Variants in ST6GALNAC3 observed in about 807,000 individuals in gnomAD.
ST6GALNAC3 encodes alpha-N-acetylgalactosaminide alpha-2,6-sialyltransferase 3.
A neutral mutation model predicts 32.7 loss-of-function variants in ST6GALNAC3; 25 were observed. That is an observed-to-expected ratio of 0.76 (90% CI 0.56 to 1.07). The LOEUF (loss-of-function observed/expected upper bound fraction) is 1.07. Among genes scored for constraint, ST6GALNAC3 ranks in the 50% least tolerant of loss-of-function variants. The pLI, the probability that ST6GALNAC3 is intolerant of heterozygous loss-of-function variation, is 0.00. For missense variants in ST6GALNAC3, 355 were observed against 382.4 expected, an observed-to-expected ratio of 0.93 and a Z score of 0.60; for synonymous variants, 129 against 133.1, an observed-to-expected ratio of 0.97 and a Z score of 0.21.
intron 3 of ST6GALNAC3, among the ~76,000 whole-genome samples, chr1:76,505,755 G>C (rs1661443044): frequency 6.6e-6 from 1 of 152,080 alleles, no homozygotes; most frequent in Non-Finnish European, 1.5e-5. Context: ...GTTCAGCATG[G>C]AGAGCCCTAG....
At chr1:76,353,903 C>G (rs1205800383) in intron 2 of ST6GALNAC3, 1 of 161,302 alleles carries the variant, frequency 6.2e-6, no homozygotes, top group South Asian at 1.9e-4. Flanking sequence ...CAAACCCAAG[C>G]AGGTGGGTCT....
At chr1:76,495,293 T>G (rs1660784348) in intron 3 of ST6GALNAC3, among the ~76,000 whole-genome samples, 1 of 152,184 alleles carries the variant, frequency 6.6e-6, no homozygotes, top group South Asian at 2.1e-4. Context: ...ATTATAAATG[T>G]GGCTGAGAAA....
intron 2 of ST6GALNAC3, among the ~76,000 whole-genome samples, chr1:76,346,965 C>T (rs1648571522): frequency 6.6e-6 from 1 of 152,064 alleles, no homozygotes; most frequent in African/African-American, 2.4e-5. Context: ...TCTGTTAATA[C>T]ATTATTATTT....
At chr1:76,521,284 C>CATAT (rs58867351) in intron 3 of ST6GALNAC3, among the ~76,000 whole-genome samples, 6 of 149,806 alleles carry the variant, frequency 4.0e-5, no homozygotes, top group Admixed American at 2.7e-4. Context: ...TATATACAGA[C>CATAT]ATATATATAT....
At chr1:76,128,602 A>G (rs1438668447) in intron 1 of ST6GALNAC3, among the ~76,000 whole-genome samples, 1 of 152,206 alleles carries the variant, frequency 6.6e-6, no homozygotes, top group Non-Finnish European at 1.5e-5. Context: ...ATGCCAGGAC[A>G]AAAACCTCAG....
chr1:76,137,751 A>G (rs1443102354), intron 1 of ST6GALNAC3, among the ~76,000 whole-genome samples: 6 of 152,140 alleles, frequency 3.9e-5, no homozygotes, highest in Non-Finnish European at 7.3e-5. Context: ...CAGGCTAGGA[A>G]CCCTTCCAAG....
intron 1 of ST6GALNAC3, among the ~76,000 whole-genome samples, chr1:76,146,053 A>G (rs1650664032): frequency 6.6e-6 from 1 of 152,238 alleles, no homozygotes; most frequent in Non-Finnish European, 1.5e-5. Context: ...TAATAAATAC[A>G]GACAATCTGC....
intron 2 of ST6GALNAC3, among the ~76,000 whole-genome samples, chr1:76,411,244 C>A (rs1442957735): frequency 6.6e-6 from 1 of 152,098 alleles, no homozygotes; most frequent in Non-Finnish European, 1.5e-5. Context: ...GCTTTATCAT[C>A]TCCAAGTCCT....
intron 1 of ST6GALNAC3, among the ~76,000 whole-genome samples, chr1:76,108,861 AGTGTGTGTGTGTGTGTGTGTGTGT>A (rs10528375): frequency 6.7e-6 from 1 of 149,858 alleles, no homozygotes; most frequent in African/African-American, 2.4e-5. Context: ...CTGTAGACAT[AGTGTGTGTGTGTGTGTGTGTGTGT>A]GTGTGTGTGT....
rs528068798 is a variant in ST6GALNAC3 at position 76,509,298 on chromosome 1, G to A, written c.623+96881G>A. Among the ~76,000 whole-genome samples, 1 of 152,280 alleles carries A rather than the reference G, an allele frequency of 6.6e-6. No homozygotes were observed. The highest frequency in any genetic ancestry group is 1.9e-4 in the East Asian group (1 of 5,172). On this transcript the variant is annotated intron_variant, in intron 3 of 4. Coordinates refer to ENST00000328299, the MANE Select transcript of ST6GALNAC3 (RefSeq NM_152996.4). This position sits in a 1 kb window ranked among gnomAD's most constrained non-coding sequence, Gnocchi z 5.5. ...GTTACCTAATTTGCATTCAAAGAAT[G>A]GTTTAAAGAATATTGGCAGGAATCC...
chr1:76,277,978 G>T (rs1659266383), intron 1 of ST6GALNAC3, among the ~76,000 whole-genome samples: 1 of 151,768 alleles, frequency 6.6e-6, no homozygotes, highest in African/African-American at 2.4e-5. Context: ...GGAATGTCTT[G>T]GTCATTCTTG....
chr1:76,533,850 T>C (rs1663422042), intron 3 of ST6GALNAC3, among the ~76,000 whole-genome samples: 1 of 152,198 alleles, frequency 6.6e-6, no homozygotes, highest in Non-Finnish European at 1.5e-5. Flanking sequence ...AGTCTATTGA[T>C]ATATTTATTA....
chr1:76,579,462 C>T (rs547615709), intron 3 of ST6GALNAC3, among the ~76,000 whole-genome samples: 1 of 151,850 alleles, frequency 6.6e-6, no homozygotes, highest in African/African-American at 2.4e-5. Context: ...AAAAATTCAC[C>T]GTAAGTCTTA....
At chr1:76,426,844 G>A (rs774770383) in intron 3 of ST6GALNAC3, among the ~76,000 whole-genome samples, 52 of 151,964 alleles carry the variant, frequency 3.4e-4, no homozygotes, top group Middle Eastern at 3.4e-3. Flanking sequence ...TTTCAGCTCC[G>A]TTTATAATCC....
At chr1:76,282,383 T>C (rs1034325490) in intron 1 of ST6GALNAC3, among the ~76,000 whole-genome samples, 9 of 152,268 alleles carry the variant, frequency 5.9e-5, no homozygotes, top group African/African-American at 1.9e-4. Flanking sequence ...ATACTTAATC[T>C]TTCATATGTT....
chr1:76,337,776 G>T (rs1161029740), intron 2 of ST6GALNAC3, among the ~76,000 whole-genome samples: 1 of 152,114 alleles, frequency 6.6e-6, no homozygotes. Context: ...ACAACTTGAG[G>T]GTTGTGACAC....
chr1:76,129,249 T>C (rs1447819269), intron 1 of ST6GALNAC3, among the ~76,000 whole-genome samples: 1 of 152,012 alleles, frequency 6.6e-6, no homozygotes, highest in Non-Finnish European at 1.5e-5. Flanking sequence ...ACTTCCAAGT[T>C]AGAGTAAGGG....
At chr1:76,250,559 G>T (rs1474452984) in intron 1 of ST6GALNAC3, among the ~76,000 whole-genome samples, 1 of 152,212 alleles carries the variant, frequency 6.6e-6, no homozygotes, top group African/African-American at 2.4e-5. Flanking sequence ...AATTTCATTT[G>T]CAGAGGTGAA....
intron 2 of ST6GALNAC3, among the ~76,000 whole-genome samples, chr1:76,371,387 A>G (rs1650800511): frequency 6.6e-6 from 1 of 152,216 alleles, no homozygotes; most frequent in Non-Finnish European, 1.5e-5. Context: ...GTGACACATG[A>G]CATTGAATAA....
Sources: gnomAD v4.1 joint callset for allele counts (sites outside exome capture counted in the v4.1 genomes callset) on GRCh38, gnomAD v4.1.1 for gene constraint, Gnocchi (gnomAD v3.1) non-coding constraint, MANE v1.5 for transcripts, NCBI Gene and HGNC (gene_info 2026-07-23, HGNC 2026-07-21) for gene names.